NRN1: variants seen among roughly 807,000 people sequenced by gnomAD.
The protein encoded by NRN1 is neuritin.
NRN1 carries 4 observed loss-of-function variants against 15.0 expected under a neutral mutation model. The ratio of observed to expected loss-of-function variants is 0.27; its 90% CI spans 0.13 to 0.61. The LOEUF (loss-of-function observed/expected upper bound fraction) is 0.61, where lower values mean the gene tolerates loss of function less well. Ranked by LOEUF, NRN1 falls within the 20% of genes least tolerant of loss-of-function variation. The pLI is 0.87. For missense variants in NRN1, 134 were observed against 181.9 expected (o/e 0.74, Z 1.51); for synonymous variants, 85 against 79.8 (o/e 1.07, Z -0.35).
At chr6:6,002,870 G>T in intron 1 of NRN1, 1 of 381,168 alleles carries the variant, frequency 2.6e-6, no homozygotes, top group Non-Finnish European at 4.7e-6. Flanking sequence ...TCCCTCCTTC[G>T]TCTCCCAACA....
At chr6:6,003,883 G>T in intron 1 of NRN1, 2 of 1,231,108 alleles carry the variant, frequency 1.6e-6, no homozygotes, top group South Asian at 8.4e-5. Flanking sequence ...TGGCGCCCAC[G>T]ACCCTGGGCG....
chr6:6,006,939 AAGAG>A (rs1191480334), upstream of NRN1: 786 of 205,872 alleles, frequency 3.8e-3, 10 homozygotes, highest in African/African-American at 0.022. Context: ...GAGAGAGAGA[AAGAG>A]AGAGAGAGAG....
intron 1 of NRN1, among the ~76,000 whole-genome samples, chr6:6,006,273 A>T (rs1297771311): frequency 6.6e-6 from 1 of 152,252 alleles, no homozygotes; most frequent in Non-Finnish European, 1.5e-5. Flanking sequence ...TGCTTTCAGC[A>T]CATAAACTTT....
At chr6:6,004,768 T>C (rs370957921) in intron 1 of NRN1, among the ~76,000 whole-genome samples, 2 of 152,144 alleles carry the variant, frequency 1.3e-5, no homozygotes, top group African/African-American at 4.8e-5. Flanking sequence ...GGCGAGACTC[T>C]AGCGGGTGAC....
rs55712329 is a variant in NRN1, at chr6:6,000,722, C to CTTTTTTTTT, written c.201-1527_201-1519dup. ...CCTGCTAAAGGATGCCTAAATTGCT[C>CTTTTTTTTT]TTTTTTTTTTTTTTTTTTTTTTTTT... On this transcript the variant is annotated intron_variant, in intron 2 of 2. Coordinates refer to ENST00000244766, the MANE Select transcript of NRN1 (RefSeq NM_016588.3). Among the ~76,000 whole-genome samples the CTTTTTTTTT allele has an allele frequency of 4.7e-3, 285 of 60,852 alleles. 54 individuals carry two copies. Among genetic ancestry groups the CTTTTTTTTT allele is most frequent in the African/African-American group, 0.018 (266 of 14,966 alleles). The allele number at this position is 60,852 out of a possible 152,430, so 39.9% of individuals were successfully genotyped here. A position where few individuals can be genotyped will look rare whatever the true frequency, so the allele number is the denominator to read the frequency against.
intron 2 of NRN1, among the ~76,000 whole-genome samples, chr6:6,000,213 G>A (rs1462253232): frequency 6.6e-6 from 1 of 152,160 alleles, no homozygotes; most frequent in Admixed American, 6.5e-5. Flanking sequence ...CTTGCGGTCA[G>A]TTCACGGAGC....
intron 1 of NRN1, among the ~76,000 whole-genome samples, chr6:6,004,427 T>G (rs1380566160): frequency 1.3e-5 from 2 of 152,246 alleles, no homozygotes; most frequent in Non-Finnish European, 2.9e-5. Flanking sequence ...TCCCCACCCC[T>G]TGCCTACACC....
In NRN1 at chr6:5,999,964, C is replaced by T. The variant is rs73718452; in HGVS notation, c.201-760G>A. ...CCCGGGGTCGGTGAGTGTTAGTGGC[C>T]GAGCACCTGGGGCCGGCCTCGTAGC... On this transcript the variant is annotated intron_variant, in intron 2 of 2. Transcript: ENST00000244766. 4.4e-3 allele frequency among the ~76,000 whole-genome samples: 663 copies of T among 152,244 alleles called. 3 individuals are homozygous for T. The highest frequency in any genetic ancestry group is 0.015 in the African/African-American group (618 of 41,542).
intron 1 of NRN1, among the ~76,000 whole-genome samples, chr6:6,006,149 C>T (rs1157358220): frequency 1.3e-5 from 2 of 152,132 alleles, no homozygotes; most frequent in East Asian, 1.9e-4. Flanking sequence ...CTCGATTTGC[C>T]CACCAGCCGG....
chr6:6,004,029 G>A lies in NRN1; in HGVS notation c.56-1532C>T, dbSNP rs1002195391. On this transcript the variant is annotated intron_variant, in intron 1 of 2. Transcript: ENST00000244766. ...CGCCGGGCCAGACGCCGAAGAGGAA[G>A]GTGACCGAACCCGTAGCAGCTTCCG... 23 of 1,191,050 alleles carry A rather than the reference G, an allele frequency of 1.9e-5. No individual in the cohort carries two copies. The African/African-American group carries it at 3.1e-4, about 16-fold the overall frequency. 73.8% of individuals were successfully genotyped at this position (1,191,050 alleles called of 1,614,324 possible).
upstream of NRN1, chr6:6,006,968 G>T (rs537466680): frequency 1.4e-4 from 59 of 412,860 alleles, no homozygotes; most frequent in African/African-American, 1.0e-3. Context: ...GCTGAGGGGG[G>T]GGGGAGAGCT....
In NRN1 at chr6:6,006,836, C is replaced by T. The variant is rs1348303905; in HGVS notation, c.-87G>A. 8.4e-7 allele frequency: 1 copy of T among 1,195,906 alleles called. No individual in the cohort carries two copies. Among genetic ancestry groups the T allele is most frequent in the South Asian group, 1.2e-5 (1 of 82,288 alleles). 74.1% of individuals were successfully genotyped at this position (1,195,906 alleles called of 1,614,324 possible). ...GGGGAAAGCCAAAAAATAGGCATTGCCAACAAGTTCCGGGAGCGACAGAGA... is the reference window on the plus strand; with the variant it reads ...GGGGAAAGCCAAAAAATAGGCATTGTCAACAAGTTCCGGGAGCGACAGAGA... On this transcript the variant is annotated 5_prime_UTR_variant, in exon 1 of 3. Transcript: ENST00000244766.
At chr6:6,006,241 A>AG (rs1390466553) in intron 1 of NRN1, among the ~76,000 whole-genome samples, 1 of 152,224 alleles carries the variant, frequency 6.6e-6, no homozygotes, top group Admixed American at 6.5e-5. Flanking sequence ...TAAATGCAGC[A>AG]GTCTGAGCCC....
chr6:5,999,616 T>G (rs1169787226), intron 2 of NRN1, among the ~76,000 whole-genome samples: 1 of 152,220 alleles, frequency 6.6e-6, no homozygotes, highest in African/African-American at 2.4e-5. Flanking sequence ...CCTCTTAGCT[T>G]GCAAGATGGG....
chr6:6,007,021 C>T, upstream of NRN1: 1 of 474,052 alleles, frequency 2.1e-6, no homozygotes, highest in South Asian at 2.8e-5. Context: ...GGAAGTACAG[C>T]CTCACGCCCA....
chr6:6,003,322 C>G (rs1228600707), intron 1 of NRN1: 2 of 1,122,530 alleles, frequency 1.8e-6, no homozygotes, highest in Non-Finnish European at 2.3e-6. Context: ...ATGAGTCTGC[C>G]TGGGTCACCT....
chr6:6,004,312 A>T (rs1758049916), intron 1 of NRN1, among the ~76,000 whole-genome samples: 1 of 152,228 alleles, frequency 6.6e-6, no homozygotes, highest in African/African-American at 2.4e-5. Flanking sequence ...CTCGTTCAAA[A>T]TGGAAATACA....
chr6:6,002,630 C>T, intron 1 of NRN1, 133 bp from the exon 2 acceptor site: 3 of 1,207,244 alleles, frequency 2.5e-6, no homozygotes, highest in Non-Finnish European at 3.4e-6. Flanking sequence ...AGCCTCGGGG[C>T]TCGCCAGTGT....
intron 1 of NRN1, among the ~76,000 whole-genome samples, chr6:6,005,114 C>T (rs1020317228): frequency 1.3e-5 from 2 of 152,028 alleles, no homozygotes; most frequent in Non-Finnish European, 2.9e-5. Flanking sequence ...GTCCCTCAGG[C>T]ACGACCACCG....
Sources: allele counts gnomAD v4.1 joint callset (sites outside exome capture counted in the v4.1 genomes callset), GRCh38; gene constraint gnomAD v4.1.1; transcripts MANE v1.5; gene names NCBI Gene and HGNC (gene_info 2026-07-23, HGNC 2026-07-21).